Variants in SLC39A11 observed in about 807,000 individuals in gnomAD.
SLC39A11 encodes the protein zinc transporter ZIP11.
SLC39A11 carries 33 observed loss-of-function variants against 36.1 expected under a neutral mutation model. That is an observed-to-expected ratio of 0.91 (90% CI 0.69 to 1.22). SLC39A11 has a LOEUF of 1.22. Among genes scored for constraint, SLC39A11 ranks in the 50% most tolerant of loss-of-function variants. SLC39A11 has a pLI of 0.00. For synonymous variants in SLC39A11, 166 were observed against 170.3 expected (o/e 0.97, Z 0.20); for missense variants, 432 against 430.3 (o/e 1.00, Z -0.03).
At chr17:72,955,472 T>TA in intron 4 of SLC39A11, among the ~76,000 whole-genome samples, 1 of 146,932 alleles carries the variant, frequency 6.8e-6, no homozygotes, top group Non-Finnish European at 1.5e-5. Flanking sequence ...CTGGCTAATT[T>TA]TTTTTTTTTT....
chr17:72,668,511 A>T (rs1445097930), intron 7 of SLC39A11, among the ~76,000 whole-genome samples: 1 of 152,224 alleles, frequency 6.6e-6, no homozygotes, highest in Non-Finnish European at 1.5e-5. Flanking sequence ...AGGGACTATG[A>T]AGCTGGTTTT....
intron 3 of SLC39A11, among the ~76,000 whole-genome samples, chr17:73,052,573 CATT>C (rs1195579314): frequency 6.6e-6 from 1 of 152,100 alleles, no homozygotes; most frequent in Non-Finnish European, 1.5e-5. Flanking sequence ...TATAAAATAA[CATT>C]TACCAGAACT....
Position 72,943,225 on chromosome 17 carries a change from C to T in SLC39A11, c.430+4527G>A, listed in dbSNP as rs539784035. Reference sequence around the variant, plus strand: ...GGGTTGGGCACTTGAGAAGCTTGAGCTAGAAAGGAAAATCATCTCCTGCAA... The same window carrying T: ...GGGTTGGGCACTTGAGAAGCTTGAGTTAGAAAGGAAAATCATCTCCTGCAA... On this transcript the variant is annotated intron_variant, in intron 5 of 9. Coordinates refer to ENST00000255559, the MANE Select transcript of SLC39A11 (RefSeq NM_139177.4). 5.3e-5 allele frequency among the ~76,000 whole-genome samples: 8 copies of T among 152,266 alleles called. No individual in the cohort carries two copies. The South Asian group carries it at 1.7e-3, about 32-fold the overall frequency.
chr17:72,905,286 ATT>A (rs770593669), intron 5 of SLC39A11, among the ~76,000 whole-genome samples: 7 of 122,644 alleles, frequency 5.7e-5, no homozygotes, highest in African/African-American at 8.9e-5. Flanking sequence ...TCTGTTTCCT[ATT>A]TTTTTTTTTT....
In SLC39A11 at chr17:72,914,601, C is replaced by T. The variant is rs868570271; in HGVS notation, c.430+33151G>A. On this transcript the variant is annotated intron_variant, in intron 5 of 9. Coordinates refer to ENST00000255559, the MANE Select transcript of SLC39A11 (RefSeq NM_139177.4). Reference sequence around the variant, plus strand: ...ACAGTTGTATAAAACGTTGAATAGGCCGGGTGCAGTGGCTCACGTCTGCAT... The same window carrying T: ...ACAGTTGTATAAAACGTTGAATAGGTCGGGTGCAGTGGCTCACGTCTGCAT... Among the ~76,000 whole-genome samples, 5 of 151,918 alleles carry T rather than the reference C, an allele frequency of 3.3e-5. No homozygotes were observed. The South Asian group carries it at 1.0e-3, about 32-fold the overall frequency.
intron 3 of SLC39A11, among the ~76,000 whole-genome samples, chr17:73,055,397 T>C (rs62073131): frequency 4.6e-5 from 7 of 151,666 alleles, no homozygotes; most frequent in Non-Finnish European, 8.8e-5. Context: ...GCCTGGGACA[T>C]AGACTAACTG....
At chr17:73,060,710 A>G (rs927403754) in intron 3 of SLC39A11, among the ~76,000 whole-genome samples, 5 of 152,200 alleles carry the variant, frequency 3.3e-5, no homozygotes, top group Non-Finnish European at 7.3e-5. Flanking sequence ...AGTACTGTCA[A>G]ATAATAAGTA....
At chr17:73,065,890 T>C (rs1413997640) in intron 3 of SLC39A11, among the ~76,000 whole-genome samples, 2 of 152,082 alleles carry the variant, frequency 1.3e-5, no homozygotes, top group Non-Finnish European at 2.9e-5. Context: ...AAAGGGAGGC[T>C]CAGAGGCAGG....
intron 3 of SLC39A11, among the ~76,000 whole-genome samples, chr17:73,047,991 ATATATATATATATATATATATATAT>A (rs2059371948): frequency 5.6e-4 from 20 of 35,964 alleles, no homozygotes; most frequent in African/African-American, 1.9e-3. Flanking sequence ...AAAAAAAAAA[ATATATATATATATATATATATATAT>A]ATATATATAT....
chr17:72,970,478 G>A (rs1203572864), intron 4 of SLC39A11, among the ~76,000 whole-genome samples: 1 of 152,210 alleles, frequency 6.6e-6, no homozygotes, highest in East Asian at 1.9e-4. Context: ...CTGAGCAAAT[G>A]TGCTGCTGAA....
chr17:72,772,228 C>T (rs116586599), intron 6 of SLC39A11, among the ~76,000 whole-genome samples: 310 of 152,326 alleles, frequency 2.0e-3, no homozygotes, highest in African/African-American at 7.0e-3. Flanking sequence ...CCCATCTTCA[C>T]GCTACAATTG....
chr17:72,650,616 A>G (rs112070140), intron 7 of SLC39A11, among the ~76,000 whole-genome samples: 1 of 152,220 alleles, frequency 6.6e-6, no homozygotes, highest in South Asian at 2.1e-4. Flanking sequence ...CATCTGATCA[A>G]CAATGATCTA....
intron 5 of SLC39A11, among the ~76,000 whole-genome samples, chr17:72,923,010 C>T (rs2083786238): frequency 7.1e-6 from 1 of 141,648 alleles, no homozygotes; most frequent in African/African-American, 2.6e-5. Flanking sequence ...AATACGAAAC[C>T]CCCTCTCCCC....
chr17:72,966,823 C>A (rs1363230366), intron 4 of SLC39A11, among the ~76,000 whole-genome samples: 1 of 152,208 alleles, frequency 6.6e-6, no homozygotes, highest in Non-Finnish European at 1.5e-5. Flanking sequence ...CCCGCCTCAG[C>A]CTCCCAAAGT....
intron 4 of SLC39A11, among the ~76,000 whole-genome samples, chr17:72,981,792 T>C (rs952507181): frequency 6.6e-6 from 1 of 152,092 alleles, no homozygotes; most frequent in Non-Finnish European, 1.5e-5. Context: ...TATAATAATA[T>C]TGCAGATAAT....
intron 6 of SLC39A11, among the ~76,000 whole-genome samples, chr17:72,836,786 G>A (rs888166157): frequency 2.0e-5 from 3 of 152,062 alleles, no homozygotes; most frequent in African/African-American, 7.2e-5. Flanking sequence ...AGCATTATTG[G>A]TATATTTTAT....
intron 6 of SLC39A11, among the ~76,000 whole-genome samples, chr17:72,771,435 T>C (rs2075939349): frequency 6.6e-6 from 1 of 150,784 alleles, no homozygotes; most frequent in East Asian, 2.0e-4. Context: ...GCACTGAGAG[T>C]CACTTCGTGC....
chr17:72,842,759 G>A (rs1353703270), intron 6 of SLC39A11, among the ~76,000 whole-genome samples: 1 of 152,170 alleles, frequency 6.6e-6, no homozygotes, highest in African/African-American at 2.4e-5. Flanking sequence ...ATGCACCCAG[G>A]CAGGCGCCAC....
chr17:72,713,593 C>T (rs372163201), intron 7 of SLC39A11, among the ~76,000 whole-genome samples: 1 of 152,102 alleles, frequency 6.6e-6, no homozygotes, highest in African/African-American at 2.4e-5. Flanking sequence ...CCAATCTCTC[C>T]GAAAGGTATT....
Sources: allele counts gnomAD v4.1 joint callset (sites outside exome capture counted in the v4.1 genomes callset), GRCh38; gene constraint gnomAD v4.1.1; transcripts MANE v1.5; gene names NCBI Gene and HGNC (gene_info 2026-07-23, HGNC 2026-07-21).